The following PFKM variants were observed in gnomAD, a reference collection of about 807,000 sequenced individuals.
The protein encoded by PFKM is phosphofructokinase, muscle.
A neutral mutation model predicts 95.5 loss-of-function variants in PFKM; 58 were observed. That is an observed-to-expected ratio of 0.61 (90% CI 0.49 to 0.76). The LOEUF (loss-of-function observed/expected upper bound fraction) is 0.76. Among genes scored for constraint, PFKM ranks in the 30% least tolerant of loss-of-function variants. The pLI, the probability that PFKM is intolerant of heterozygous loss-of-function variation, is 0.00. For synonymous variants in PFKM, 336 were observed against 357.2 expected (o/e 0.94, Z 0.67); for missense variants, 678 against 1,005.4 (o/e 0.67, Z 4.40).
At chr12:48,113,550 T>C (rs1346043608) in intron 3 of PFKM, among the ~76,000 whole-genome samples, 1 of 152,164 alleles carries the variant, frequency 6.6e-6, no homozygotes, top group Non-Finnish European at 1.5e-5. Context: ...AATCCCGGGC[T>C]GCAGGCATTG....
intron 14 of PFKM, 79 bp from the exon 15 acceptor site, chr12:48,141,232 A>G: frequency 3.0e-6 from 4 of 1,329,746 alleles, no homozygotes; most frequent in Non-Finnish European, 4.3e-6. Flanking sequence ...TAGGGTTAGA[A>G]CTCAAGCAGT....
At position 48,132,755 on chromosome 12, in the gene PFKM, G is replaced by A. The variant is rs907560874; in HGVS notation, c.238-113G>A. On this transcript the variant is annotated intron_variant, in intron 4 of 22. Transcript: ENST00000359794. ...GACAGATCACTCTTAAGGATGTCAA[G>A]GAACTTTCTAGGGAGTCACACAGTT... The A allele has an allele frequency of 2.0e-5, 18 of 914,142 alleles. No individual in the cohort carries two copies. In the African/African-American group the frequency reaches 2.9e-4, roughly 15 times the overall value. The allele number at this position is 914,142 out of a possible 1,614,324, so 56.6% of individuals were successfully genotyped here.
intron 11 of PFKM, 98 bp downstream of exon 11, chr12:48,137,944 C>T (rs1205837370): frequency 3.6e-6 from 5 of 1,371,070 alleles, no homozygotes; most frequent in Non-Finnish European, 5.2e-6. Context: ...GGTATAGGAG[C>T]AGGTGGAAAG....
Position 48,122,842 on chromosome 12 carries a change from C to A in PFKM, c.68C>A (p.Ser23Tyr). The A allele has an allele frequency of 6.2e-7, 1 of 1,614,102 alleles. No homozygotes were observed. The highest frequency in any genetic ancestry group is 8.5e-7 in the Non-Finnish European group (1 of 1,179,950). ...GGCAAAGCCATTGCTGTCTTAACCT[C>A]TGGTGGAGATGCCCAAGGTAAGGAG... is the stretch of plus-strand genomic sequence containing the variant. The part of the protein sequence containing the change: ...GIGKAIAVLT[S>Y]GGDAQGMNAA... The change falls in exon 2 of 23, where the codon TCT becomes TAT. Residue 23 changes from serine to tyrosine, a missense_variant. Ser to Tyr is a moderately radical substitution (Grantham distance 144). Transcript: ENST00000359794.
At chr12:48,120,834 A>G (rs1384782118) in intron 1 of PFKM, among the ~76,000 whole-genome samples, 2 of 152,332 alleles carry the variant, frequency 1.3e-5, no homozygotes, top group East Asian at 3.9e-4. Context: ...CCCTCTTATC[A>G]GTGCGTACGA....
chr12:48,133,368 C>G lies in PFKM; in HGVS notation c.481C>G (p.Leu161Val). 6.2e-7 allele frequency: 1 copy of G among 1,613,958 alleles called. No individual in the cohort carries two copies. Among genetic ancestry groups the G allele is most frequent in the Non-Finnish European group, 8.5e-7 (1 of 1,179,854 alleles). The change falls in exon 6 of 23, where the codon CTG (leucine) becomes GTG (valine). Residue 161 changes from leucine (L) to valine (V), a missense_variant. By Grantham distance (32) the Leu-to-Val change is conservative. Transcript: ENST00000359794. ...TKSSYLNIVG[L>V]VGSIDNDFCG... Reference sequence around the variant, plus strand: ...GTCCAGCTACCTGAACATTGTGGGCCTGGTTGGGTCAATTGACAATGACTT... The same window carrying G: ...GTCCAGCTACCTGAACATTGTGGGCGTGGTTGGGTCAATTGACAATGACTT...
At chr12:48,111,354 A>T (rs1947171812) in intron 3 of PFKM, among the ~76,000 whole-genome samples, 1 of 152,192 alleles carries the variant, frequency 6.6e-6, no homozygotes, top group Non-Finnish European at 1.5e-5. Flanking sequence ...CTTCCTTTGG[A>T]AGTAAAGCAG....
intron 1 of PFKM, chr12:48,106,212 T>G (rs1312124740): frequency 7.5e-6 from 5 of 665,120 alleles, no homozygotes; most frequent in Non-Finnish European, 1.4e-5. Flanking sequence ...CTGCGCGGTG[T>G]GGCGAGGCCC....
rs1592731189 is a variant in PFKM, at chr12:48,133,414, T to C, written c.527T>C (p.Ile176Thr). Reference sequence around the variant, plus strand: ...GACTTCTGTGGCACCGATATGACCATTGGCACTGACTCTGCCCTGCATCGG... The same window carrying C: ...GACTTCTGTGGCACCGATATGACCACTGGCACTGACTCTGCCCTGCATCGG... ...DNDFCGTDMT[I>T]GTDSALHRIM... The change falls in exon 6 of 23, where the codon ATT becomes ACT. Residue 176 changes from isoleucine to threonine, a missense_variant. Coordinates refer to ENST00000359794, the MANE Select transcript of PFKM (RefSeq NM_000289.6). 4 of 1,614,076 alleles carry C rather than the reference T, an allele frequency of 2.5e-6. No individual in the cohort carries two copies. The highest frequency in any genetic ancestry group is 3.4e-6 in the Non-Finnish European group (4 of 1,179,964).
At chr12:48,143,283 C>T (rs1211092093) in intron 18 of PFKM, among the ~76,000 whole-genome samples, 2 of 152,304 alleles carry the variant, frequency 1.3e-5, no homozygotes, top group African/African-American at 4.8e-5. Flanking sequence ...TTCTAAACTC[C>T]TAAGTGAGCA....
chr12:48,126,690 C>T (rs1948875515), intron 2 of PFKM, among the ~76,000 whole-genome samples: 1 of 152,142 alleles, frequency 6.6e-6, no homozygotes, highest in African/African-American at 2.4e-5. Context: ...AAACAATGTT[C>T]CAACCTATAC....
chr12:48,129,835 G>A (rs184820046), intron 2 of PFKM, among the ~76,000 whole-genome samples: 1 of 152,318 alleles, frequency 6.6e-6, no homozygotes, highest in Admixed American at 6.5e-5. Context: ...ATTGACATTA[G>A]TAGGACAAGC....
chr12:48,143,882 G>A (rs1950795411), intron 19 of PFKM, 68 bp downstream of exon 19: 3 of 1,297,884 alleles, frequency 2.3e-6, no homozygotes, highest in Non-Finnish European at 3.4e-6. Context: ...CCATAGAATG[G>A]CCATTGTTGG....
In PFKM at chr12:48,133,061, A is replaced by G. The variant is rs1359347007; in HGVS notation, c.427+4A>G. On this transcript the variant is annotated splice_donor_region_variant and intron_variant, in intron 5 of 22. Coordinates refer to ENST00000359794, the MANE Select transcript of PFKM (RefSeq NM_000289.6). ...TTGAGTGACCTCCAGAAAGCAGGTAAGAGAGTTTTCACATCAGTATTGCTT... is the reference window on the plus strand; with the variant it reads ...TTGAGTGACCTCCAGAAAGCAGGTAGGAGAGTTTTCACATCAGTATTGCTT... The G allele has an allele frequency of 6.2e-7, 1 of 1,613,838 alleles. No individual in the cohort carries two copies. Among genetic ancestry groups the G allele is most frequent in the Admixed American group, 1.7e-5 (1 of 60,014 alleles).
intron 2 of PFKM, among the ~76,000 whole-genome samples, chr12:48,129,024 A>ACATATGGGAC (rs1478991219): frequency 6.6e-6 from 1 of 152,038 alleles, no homozygotes; most frequent in Non-Finnish European, 1.5e-5. Context: ...TATGAAACAC[A>ACATATGGGAC]CATATGGGAC....
At chr12:48,106,014 C>T (rs1255420045) in exon 1 of PFKM, 5 of 701,032 alleles carry the variant, frequency 7.1e-6, no homozygotes. Flanking sequence ...CCCCAGCTTC[C>T]CGCCGCCACT....
In PFKM at chr12:48,145,692, G is replaced by A. The variant is rs1033497516; in HGVS notation, c.2327G>A (p.Gly776Glu). ...GAGCACATCACCCGGAAGCGGTCCG[G>A]GGAAGCTGCCGTCTAAACCTCTCTG... ...HLEHITRKRS[G>E]EAAV The change falls in exon 23 of 23, where the codon GGG (glycine) becomes GAG (glutamate). Residue 776 changes from glycine to glutamate, a missense_variant. Physicochemically the swap from Gly to Glu is moderately conservative, Grantham distance 98 (BLOSUM62 -2). Coordinates refer to ENST00000359794, the MANE Select transcript of PFKM (RefSeq NM_000289.6). The surrounding 1 kb of genome is among the most constrained non-coding windows in gnomAD (Gnocchi z 4.3). 9 of 1,614,066 alleles carry A rather than the reference G, an allele frequency of 5.6e-6. No homozygotes were observed. Among genetic ancestry groups the A allele is most frequent in the Non-Finnish European group, 5.9e-6 (7 of 1,180,016 alleles).
At chr12:48,108,208 G>A in intron 3 of PFKM, 6 of 1,594,708 alleles carry the variant, frequency 3.8e-6, no homozygotes, top group Non-Finnish European at 5.1e-6. Context: ...AGGCATGTGG[G>A]TCAACAGTGA....
At chr12:48,117,896 A>G (rs192797239), upstream of PFKM, among the ~76,000 whole-genome samples, 33 of 152,314 alleles carry the variant, frequency 2.2e-4, no homozygotes, top group Admixed American at 2.0e-3. Context: ...AGGCGGGATA[A>G]CTGGAAGCAG....
Sources: gnomAD v4.1 joint callset for allele counts (sites outside exome capture counted in the v4.1 genomes callset) on GRCh38, gnomAD v4.1.1 for gene constraint, Gnocchi (gnomAD v3.1) non-coding constraint, MANE v1.5 for transcripts, NCBI Gene and HGNC (gene_info 2026-07-23, HGNC 2026-07-21) for gene names.